The following LUZP2 variants were observed in gnomAD, a reference collection of about 807,000 sequenced individuals.
The protein encoded by LUZP2 is leucine zipper protein 2.
LUZP2 carries 52 observed loss-of-function variants against 51.6 expected under a neutral mutation model. The ratio of observed to expected loss-of-function variants is 1.01; its 90% CI spans 0.81 to 1.27. The LOEUF (loss-of-function observed/expected upper bound fraction) is 1.27, where lower values mean the gene tolerates loss of function less well. Ranked by LOEUF, LUZP2 falls within the 50% of genes most tolerant of loss-of-function variation. LUZP2 has a pLI of 0.00. For missense variants in LUZP2, 436 were observed against 395.4 expected (o/e 1.10, Z -0.87); for synonymous variants, 154 against 137.3 (o/e 1.12, Z -0.85).
At chr11:24,897,188 T>G (rs1166635994) in intron 5 of LUZP2, among the ~76,000 whole-genome samples, 1 of 151,782 alleles carries the variant, frequency 6.6e-6, no homozygotes, top group Non-Finnish European at 1.5e-5. Context: ...CCAATCACAC[T>G]CTGTCAAAAC....
At chr11:24,631,657 T>TTG (rs754050117) in intron 1 of LUZP2, among the ~76,000 whole-genome samples, 8 of 151,740 alleles carry the variant, frequency 5.3e-5, no homozygotes, top group Non-Finnish European at 8.8e-5. Context: ...CGGTCTGTAG[T>TTG]TGTGTGTGTG....
At chr11:25,044,783 A>T (rs36149272) in intron 9 of LUZP2, among the ~76,000 whole-genome samples, 61,025 of 151,450 alleles carry the variant, frequency 0.4, 13,392 homozygotes, top group Non-Finnish European at 0.49. Flanking sequence ...GGCACTATTC[A>T]CAATAGCAAA....
At chr11:24,726,146 A>G (rs1858467619) in intron 1 of LUZP2, among the ~76,000 whole-genome samples, 1 of 152,204 alleles carries the variant, frequency 6.6e-6, no homozygotes, top group Non-Finnish European at 1.5e-5. Context: ...AATAGGCAAA[A>G]CATATAAACA....
At chr11:24,850,950 G>A (rs746189017) in intron 5 of LUZP2, among the ~76,000 whole-genome samples, 4 of 152,108 alleles carry the variant, frequency 2.6e-5, no homozygotes, top group Admixed American at 2.6e-4. Context: ...TGTGGTTTTT[G>A]CACATTGACT....
chr11:24,687,377 G>T (rs1194246939), intron 1 of LUZP2, among the ~76,000 whole-genome samples: 1 of 152,082 alleles, frequency 6.6e-6, no homozygotes, highest in African/African-American at 2.4e-5. Context: ...CAAAGTATGA[G>T]GTAGAATTAC....
intron 10 of LUZP2, among the ~76,000 whole-genome samples, chr11:25,075,520 ATGTTGCCCCTGTCTTAAAGT>A (rs563653687): frequency 1.3e-5 from 2 of 152,304 alleles, no homozygotes; most frequent in African/African-American, 4.8e-5. Context: ...GTGGAGATAA[ATGTTGCCCCTGTCTTAAAGT>A]TATTCACAAT....
intron 9 of LUZP2, among the ~76,000 whole-genome samples, chr11:25,003,220 G>T (rs1049867043): frequency 6.6e-6 from 1 of 152,188 alleles, no homozygotes; most frequent in Non-Finnish European, 1.5e-5. Context: ...GGACCAGAGT[G>T]CCTGGACTTG....
intron 1 of LUZP2, among the ~76,000 whole-genome samples, chr11:24,648,304 C>A (rs545458128): frequency 1.3e-5 from 2 of 151,834 alleles, no homozygotes; most frequent in South Asian, 2.1e-4. Flanking sequence ...GCCTTGACTG[C>A]AAATTGTTTC....
chr11:24,850,264 G>A (rs1372172184), intron 5 of LUZP2, among the ~76,000 whole-genome samples: 4 of 152,036 alleles, frequency 2.6e-5, no homozygotes, highest in Admixed American at 2.6e-4. Flanking sequence ...TAGGTCTTAT[G>A]TTTAAGTGTT....
chr11:24,650,483 T>C (rs1054059557), intron 1 of LUZP2, among the ~76,000 whole-genome samples: 1 of 151,964 alleles, frequency 6.6e-6, no homozygotes, highest in Non-Finnish European at 1.5e-5. Flanking sequence ...TTTTAAAAGA[T>C]TCCGAAGAGC....
intron 1 of LUZP2, among the ~76,000 whole-genome samples, chr11:24,539,296 G>T (rs1851282416): frequency 6.6e-6 from 1 of 151,854 alleles, no homozygotes; most frequent in Non-Finnish European, 1.5e-5. Flanking sequence ...CTTTAATGGT[G>T]CTAATAAGTC....
At chr11:24,843,198 G>C (rs965452653) in intron 5 of LUZP2, among the ~76,000 whole-genome samples, 4 of 151,872 alleles carry the variant, frequency 2.6e-5, no homozygotes, top group Admixed American at 2.6e-4. Context: ...TGATTTAACA[G>C]AGCCATTAAA....
intron 9 of LUZP2, among the ~76,000 whole-genome samples, chr11:25,007,901 A>T (rs1349297017): frequency 6.6e-6 from 1 of 152,238 alleles, no homozygotes; most frequent in African/African-American, 2.4e-5. Flanking sequence ...AATTACTATA[A>T]TTTATGTTGT....
At chr11:25,048,449 T>C (rs1457073180) in intron 9 of LUZP2, among the ~76,000 whole-genome samples, 2 of 152,180 alleles carry the variant, frequency 1.3e-5, no homozygotes, top group East Asian at 1.9e-4. Context: ...TTAGAGTTAC[T>C]TATGTGAATA....
chr11:24,923,677 A>G (rs1051795966), intron 7 of LUZP2, among the ~76,000 whole-genome samples: 1 of 151,974 alleles, frequency 6.6e-6, no homozygotes, highest in Non-Finnish European at 1.5e-5. Context: ...AGCCTGGCAC[A>G]GACGAGAAAA....
intron 1 of LUZP2, among the ~76,000 whole-genome samples, chr11:24,707,841 A>G (rs528373988): frequency 6.6e-6 from 1 of 152,302 alleles, no homozygotes; most frequent in African/African-American, 2.4e-5. Flanking sequence ...AGGTACTTCT[A>G]TGTAGAAGGG....
rs138611321 is a variant in LUZP2 at position 25,019,210 on chromosome 11, C to T, written c.766-30828C>T. ...TATAGTATCATATAGAATTTATCTT[C>T]GTTATACATGACAGTAAACAGAATC... On this transcript the variant is annotated intron_variant, in intron 9 of 11. Transcript: ENST00000336930. 1.4e-4 allele frequency among the ~76,000 whole-genome samples: 21 copies of T among 152,174 alleles called. No individual in the cohort carries two copies. In the East Asian group the frequency reaches 2.7e-3, roughly 20 times the overall value.
intron 5 of LUZP2, among the ~76,000 whole-genome samples, chr11:24,822,026 T>C: frequency 7.1e-6 from 1 of 141,232 alleles, no homozygotes; most frequent in Non-Finnish European, 1.6e-5. Flanking sequence ...TATGCAGGGG[T>C]TTTTTTTTTT....
At chr11:24,699,934 G>GGGTA (rs1857373276) in intron 1 of LUZP2, among the ~76,000 whole-genome samples, 1 of 151,448 alleles carries the variant, frequency 6.6e-6, no homozygotes, top group Non-Finnish European at 1.5e-5. Flanking sequence ...CAACAGAAGA[G>GGGTA]GGTAGGACCT....
Sources: allele counts gnomAD v4.1 joint callset (sites outside exome capture counted in the v4.1 genomes callset), GRCh38; gene constraint gnomAD v4.1.1; transcripts MANE v1.5; gene names NCBI Gene and HGNC (gene_info 2026-07-23, HGNC 2026-07-21).